KHDRBS2: variants seen among roughly 807,000 people sequenced by gnomAD.
KHDRBS2 encodes the protein KH RNA binding domain containing, signal transduction associated 2.
In KHDRBS2, 26 loss-of-function variants were observed where a neutral mutation model predicts 44.3. The ratio of observed to expected loss-of-function variants is 0.59; its 90% CI spans 0.43 to 0.81. KHDRBS2 has a LOEUF of 0.81. Ranked by LOEUF, KHDRBS2 falls within the 40% of genes least tolerant of loss-of-function variation. KHDRBS2 has a pLI of 0.00. For missense variants in KHDRBS2, 476 were observed against 433.1 expected (o/e 1.10, Z -0.88); for synonymous variants, 194 against 151.1 (o/e 1.28, Z -2.08).
the KHDRBS2 span, among the ~76,000 whole-genome samples, chr6:61,586,596 G>T: frequency 6.6e-6 from 1 of 152,134 alleles, no homozygotes; most frequent in Non-Finnish European, 1.5e-5. Context: ...AGAGGAATTA[G>T]AATTTTTCTT....
At chr6:61,649,907 T>C in the KHDRBS2 span, among the ~76,000 whole-genome samples, 8 of 152,278 alleles carry the variant, frequency 5.3e-5, no homozygotes, top group East Asian at 1.5e-3. Flanking sequence ...TTGAAACATG[T>C]AGAGATCATG....
intron 3 of KHDRBS2, among the ~76,000 whole-genome samples, chr6:62,037,119 A>G (rs907486749): frequency 6.6e-6 from 1 of 151,996 alleles, no homozygotes; most frequent in Non-Finnish European, 1.5e-5. Flanking sequence ...TCATCATAAT[A>G]CAAGTTTCTA....
chr6:61,550,624 G>T, the KHDRBS2 span, among the ~76,000 whole-genome samples: 1 of 152,010 alleles, frequency 6.6e-6, no homozygotes, highest in Non-Finnish European at 1.5e-5. Context: ...TTCAGAAATT[G>T]CCACACTGGT....
At chr6:61,654,399 C>A in the KHDRBS2 span, among the ~76,000 whole-genome samples, 1 of 151,974 alleles carries the variant, frequency 6.6e-6, no homozygotes, top group South Asian at 2.1e-4. Flanking sequence ...GTAAAGGGAA[C>A]AATGATTGCT....
intron 4 of KHDRBS2, among the ~76,000 whole-genome samples, chr6:61,935,543 G>T (rs1810867882): frequency 6.6e-6 from 1 of 152,098 alleles, no homozygotes; most frequent in Admixed American, 6.6e-5. Flanking sequence ...AACAATTACA[G>T]TCACAGTTAA....
chr6:62,105,825 G>A (rs1803105208), intron 2 of KHDRBS2, among the ~76,000 whole-genome samples: 1 of 152,058 alleles, frequency 6.6e-6, no homozygotes, highest in African/African-American at 2.4e-5. Flanking sequence ...GCTAGCTTTT[G>A]AATGTGTTTG....
chr6:61,824,022 A>G (rs970524713), intron 6 of KHDRBS2, among the ~76,000 whole-genome samples: 1 of 152,154 alleles, frequency 6.6e-6, no homozygotes, highest in African/African-American at 2.4e-5. Flanking sequence ...GAGTTTTCCC[A>G]AAAGAAAATT....
intron 1 of KHDRBS2, among the ~76,000 whole-genome samples, chr6:62,251,090 A>T (rs1836446184): frequency 1.3e-5 from 2 of 151,956 alleles, no homozygotes; most frequent in Admixed American, 1.3e-4. Flanking sequence ...CTCTACTTTT[A>T]GATAATACAC....
intron 2 of KHDRBS2, among the ~76,000 whole-genome samples, chr6:62,071,956 A>T (rs1361835233): frequency 6.6e-6 from 1 of 152,060 alleles, no homozygotes. Context: ...CATGATATTG[A>T]TTCTTCCTAC....
intron 1 of KHDRBS2, among the ~76,000 whole-genome samples, chr6:62,186,694 T>C (rs1823497912): frequency 6.6e-6 from 1 of 152,002 alleles, no homozygotes; most frequent in Admixed American, 6.6e-5. Flanking sequence ...GTTGGAATCT[T>C]TTGGATAGTA....
chr6:61,558,076 CTT>C, the KHDRBS2 span, among the ~76,000 whole-genome samples: 4 of 151,862 alleles, frequency 2.6e-5, no homozygotes, highest in African/African-American at 9.7e-5. Flanking sequence ...TTTTAAACAA[CTT>C]TTTGTTTCAT....
chr6:62,001,485 T>A (rs530792038), intron 3 of KHDRBS2, among the ~76,000 whole-genome samples: 1 of 152,072 alleles, frequency 6.6e-6, no homozygotes, highest in South Asian at 2.1e-4. Context: ...TAACAGATAC[T>A]TTTAAGAAGA....
At chr6:62,076,359 G>T (rs1796336845) in intron 2 of KHDRBS2, among the ~76,000 whole-genome samples, 1 of 151,934 alleles carries the variant, frequency 6.6e-6, no homozygotes, top group African/African-American at 2.4e-5. Flanking sequence ...TTAATACAAA[G>T]CACATGATAA....
the KHDRBS2 span, among the ~76,000 whole-genome samples, chr6:61,655,036 T>C: frequency 6.6e-6 from 1 of 151,392 alleles, no homozygotes; most frequent in Non-Finnish European, 1.5e-5. Context: ...ACCTCAGGGG[T>C]CAGATCTCCC....
intron 2 of KHDRBS2, among the ~76,000 whole-genome samples, chr6:62,070,489 C>G (rs1259720973): frequency 6.6e-6 from 1 of 151,988 alleles, no homozygotes; most frequent in African/African-American, 2.4e-5. Flanking sequence ...TCCCTCCCCC[C>G]TCCTCCCACC....
the KHDRBS2 span, among the ~76,000 whole-genome samples, chr6:61,607,571 C>G: frequency 9.1e-6 from 1 of 109,624 alleles, no homozygotes; most frequent in East Asian, 3.1e-4. Flanking sequence ...CTGTACAACT[C>G]TTTGCCAAAG....
chr6:61,791,045 T>C (rs1054677249), intron 6 of KHDRBS2, among the ~76,000 whole-genome samples: 48 of 151,630 alleles, frequency 3.2e-4, no homozygotes, highest in Non-Finnish European at 5.8e-4. Flanking sequence ...TCATATTTAT[T>C]GGAATGACGT....
the KHDRBS2 span, among the ~76,000 whole-genome samples, chr6:61,662,854 G>T: frequency 6.6e-6 from 1 of 151,728 alleles, no homozygotes; most frequent in African/African-American, 2.4e-5. Context: ...ATTCCTCAGG[G>T]ATCTAGAACT....
intron 1 of KHDRBS2, among the ~76,000 whole-genome samples, chr6:62,257,775 T>C (rs760478127): frequency 6.6e-5 from 10 of 152,058 alleles, no homozygotes; most frequent in Non-Finnish European, 4.4e-5. Flanking sequence ...TGCTTCCCAA[T>C]AAGATTTTAT....
Sources: allele counts gnomAD v4.1 joint callset (sites outside exome capture counted in the v4.1 genomes callset), GRCh38; gene constraint gnomAD v4.1.1; transcripts MANE v1.5; gene names NCBI Gene and HGNC (gene_info 2026-07-23, HGNC 2026-07-21).